The following NEK9 variants were observed in gnomAD, a reference collection of about 807,000 sequenced individuals.
NEK9 encodes the protein serine/threonine-protein kinase Nek9.
In NEK9, 75 loss-of-function variants were observed where a neutral mutation model predicts 123.4. The ratio of observed to expected loss-of-function variants is 0.61; its 90% CI spans 0.50 to 0.74. The LOEUF is 0.74. Ranked by LOEUF, NEK9 falls within the 30% of genes least tolerant of loss-of-function variation. The pLI is 0.00. For missense variants in NEK9, 952 were observed against 1,214.4 expected, an observed-to-expected ratio of 0.78 and a Z score of 3.21; for synonymous variants, 438 against 458.7, an observed-to-expected ratio of 0.95 and a Z score of 0.58.
chr14:75,113,789 T>A (rs570006444), intron 7 of NEK9, among the ~76,000 whole-genome samples: 1 of 152,326 alleles, frequency 6.6e-6, no homozygotes, highest in South Asian at 2.1e-4. Context: ...CTGGTGATTC[T>A]GACTCCAGTG....
rs985842916 is a variant in NEK9 at position 75,127,024 on chromosome 14, C to T, written c.-103G>A. 7.3e-5 allele frequency: 71 copies of T among 966,628 alleles called. No individual in the cohort carries two copies. The highest frequency in any genetic ancestry group is 9.9e-5 in the Non-Finnish European group (68 of 686,480). The allele number at this position is 966,628 out of a possible 1,614,324, so 59.9% of individuals were successfully genotyped here. On this transcript the variant is annotated 5_prime_UTR_variant, in exon 1 of 22. Coordinates refer to ENST00000238616, the MANE Select transcript of NEK9 (RefSeq NM_033116.6). The stretch of plus-strand genomic sequence containing the variant: ...ATGCCGGCCCGCGGATCCGTCAGCC[C>T]AGCAACCCCGCGAAGCTCGATGGTG...
At chr14:75,091,186 A>C in intron 19 of NEK9, 84 bp downstream of exon 19, 2 of 1,200,932 alleles carry the variant, frequency 1.7e-6, no homozygotes, top group Non-Finnish European at 2.3e-6. Flanking sequence ...AGGTACTTGG[A>C]AAACTGAGAG....
chr14:75,090,517 T>C (rs1383361542), intron 19 of NEK9, among the ~76,000 whole-genome samples: 1 of 152,128 alleles, frequency 6.6e-6, no homozygotes, highest in Non-Finnish European at 1.5e-5. Context: ...TGCATAGCCA[T>C]ATGTTGTGAG....
intron 16 of NEK9, among the ~76,000 whole-genome samples, chr14:75,099,828 C>T (rs567221569): frequency 5.7e-4 from 85 of 148,092 alleles, no homozygotes; most frequent in Non-Finnish European, 1.1e-3. Flanking sequence ...GACAATACTG[C>T]GGAAAGAAAT....
In NEK9 at chr14:75,106,604, A is replaced by T. The variant is rs1283171412; in HGVS notation, c.1426T>A (p.Phe476Ile). The T allele has an allele frequency of 1.2e-6, 2 of 1,614,116 alleles. No homozygotes were observed. The highest frequency in any genetic ancestry group is 4.5e-5 in the East Asian group (2 of 44,866). Residue 476 changes from phenylalanine (F) to isoleucine (I), a missense_variant, in exon 12 of 22, where the codon TTC (phenylalanine) becomes ATC (isoleucine). By Grantham distance (21) the Phe-to-Ile change is conservative. Coordinates refer to ENST00000238616, the MANE Select transcript of NEK9 (RefSeq NM_033116.6). The stretch of plus-strand genomic sequence containing the variant: ...TGCTCCACTGGATTGCTGAGGAAGA[A>T]GTTCAGCTGCATGGGTTCTAGCACT... ...PEVLEPMQLN[F>I]FLSNPVEQVS...
At position 75,081,172 on chromosome 14, in the gene NEK9, C is replaced by A. The variant is rs913526993; in HGVS notation, c.*3392G>T. 1 of 149,218 alleles carries A rather than the reference C, an allele frequency of 6.7e-6. No homozygotes were observed. The highest frequency in any genetic ancestry group is 2.5e-5 in the African/African-American group (1 of 40,344). The allele number at this position is 149,218 out of a possible 1,614,324, so 9.2% of individuals were successfully genotyped here. A position where few individuals can be genotyped will look rare whatever the true frequency, so the allele number is the denominator to read the frequency against. On this transcript the variant is annotated 3_prime_UTR_variant, in exon 22 of 22. Transcript: ENST00000238616. The surrounding 1 kb of genome is among the most constrained non-coding windows in gnomAD (Gnocchi z 4.2). ...TGTTAGCCAGGATGGTCTCGATCTCCTGACCTCGTGATCCGCCCGCCTCGG... is the reference window on the plus strand; with the variant it reads ...TGTTAGCCAGGATGGTCTCGATCTCATGACCTCGTGATCCGCCCGCCTCGG...
chr14:75,083,262 G>A lies in NEK9; in HGVS notation c.*1302C>T, dbSNP rs1179283454. The A allele has an allele frequency of 1.3e-5, 5 of 396,686 alleles. No individual in the cohort carries two copies. The highest frequency in any genetic ancestry group is 2.1e-5 in the African/African-American group (1 of 48,620). The allele number at this position is 396,686 out of a possible 1,614,324, so 24.6% of individuals were successfully genotyped here. A position where few individuals can be genotyped will look rare whatever the true frequency, so the allele number is the denominator to read the frequency against. The stretch of plus-strand genomic sequence containing the variant: ...TTACAAGGCTAGGTGGAAATACAAA[G>A]CTCACATCCTTAAGGAAACCATCAA... On this transcript the variant is annotated 3_prime_UTR_variant, in exon 22 of 22. Transcript: ENST00000238616.
chr14:75,123,428 A>T (rs72736245), intron 2 of NEK9, among the ~76,000 whole-genome samples: 13,903 of 151,932 alleles, frequency 0.092, 815 homozygotes, highest in Non-Finnish European at 0.13. Context: ...ATAATAATAA[A>T]AATAAAATGA....
At position 75,101,142 on chromosome 14, in the gene NEK9, G is replaced by A. The variant is rs1894565227; in HGVS notation, c.1852C>T (p.Leu618=). 1 of 1,614,090 alleles carries A rather than the reference G, an allele frequency of 6.2e-7. No homozygotes were observed. Among genetic ancestry groups the A allele is most frequent in the African/African-American group, 1.3e-5 (1 of 75,072 alleles). ...HTAAIDERGR[L]LTFGCNKCGQ... ...CACTTGTTGCAGCCAAAGGTCAGCA[G>A]CCGGCCTCGCTCTGAGAGAGAAGCA... Residue 618 remains leucine (L), a synonymous_variant, in exon 16 of 22, where the codon CTG becomes TTG. Transcript: ENST00000238616.
At chr14:75,104,223 C>A (rs1276680559) in intron 13 of NEK9, among the ~76,000 whole-genome samples, 3 of 149,132 alleles carry the variant, frequency 2.0e-5, no homozygotes, top group Non-Finnish European at 3.0e-5. Context: ...GGAGTGAAGT[C>A]GTGCGATCTT....
chr14:75,102,587 C>T (rs1329406702), intron 14 of NEK9, among the ~76,000 whole-genome samples: 1 of 151,776 alleles, frequency 6.6e-6, no homozygotes, highest in African/African-American at 2.4e-5. Flanking sequence ...CTCATGACCT[C>T]GTGATCCGCC....
Position 75,101,001 on chromosome 14 carries a change from C to T in NEK9, c.1993G>A (p.Ala665Thr). 6.2e-7 allele frequency: 1 copy of T among 1,614,084 alleles called. No homozygotes were observed. The highest frequency in any genetic ancestry group is 8.5e-7 in the Non-Finnish European group (1 of 1,179,934). The change falls in exon 16 of 22, where the codon GCC (alanine) becomes ACC (threonine). Residue 665 changes from alanine (A) to threonine (T), a missense_variant. Coordinates refer to ENST00000238616, the MANE Select transcript of NEK9 (RefSeq NM_033116.6). Reference sequence around the variant, plus strand: ...ATATGTACAGACTCACCATCAGTGGCAGCAATGGTAAACTCATCACCGCAG... The same window carrying T: ...ATATGTACAGACTCACCATCAGTGGTAGCAATGGTAAACTCATCACCGCAG... ...VSCGDEFTIA[A>T]TDDNHIFAWG...
At chr14:75,101,228 T>G in intron 15 of NEK9, 75 bp from the exon 16 acceptor site, 1 of 1,448,644 alleles carries the variant, frequency 6.9e-7, no homozygotes, top group Admixed American at 2.3e-5. Flanking sequence ...CCAAGCAGAC[T>G]TCATGGATTA....
chr14:75,115,996 G>T (rs1895130346), intron 6 of NEK9, among the ~76,000 whole-genome samples: 1 of 152,096 alleles, frequency 6.6e-6, no homozygotes, highest in Admixed American at 6.6e-5. Flanking sequence ...CCCACGATGT[G>T]TTAGGTATTG....
At chr14:75,126,609 T>G in intron 1 of NEK9, 94 bp downstream of exon 1, 1 of 1,027,806 alleles carries the variant, frequency 9.7e-7, no homozygotes, top group Non-Finnish European at 1.3e-6. Flanking sequence ...CCTAAAGCAC[T>G]AAGCTCACGA....
intron 13 of NEK9, among the ~76,000 whole-genome samples, chr14:75,104,507 A>C (rs1197992575): frequency 7.0e-6 from 1 of 142,340 alleles, no homozygotes; most frequent in African/African-American, 2.6e-5. Context: ...TTTGAGGTGG[A>C]GTCTTGCTCT....
intron 10 of NEK9, 49 bp downstream of exon 10, chr14:75,109,636 A>C: frequency 1.9e-6 from 3 of 1,545,248 alleles, no homozygotes; most frequent in South Asian, 1.2e-5. Flanking sequence ...TGGGCCCAGT[A>C]AACAATTAGG....
At position 75,101,725 on chromosome 14, in the gene NEK9, G is replaced by T. The variant is rs756943209; in HGVS notation, c.1772C>A (p.Ala591Asp). The T allele has an allele frequency of 6.2e-7, 1 of 1,614,078 alleles. No homozygotes were observed. Among genetic ancestry groups the T allele is most frequent in the South Asian group, 1.1e-5 (1 of 91,078 alleles). The change falls in exon 15 of 22, where the codon GCC becomes GAC. Residue 591 changes from alanine (A) to aspartate (D), a missense_variant. Ala to Asp is a moderately radical substitution (Grantham distance 126, BLOSUM62 -2). This residue lies in a region of NEK9 where 698 missense variants were observed against 875.6 expected (regional missense o/e 0.80). Transcript: ENST00000238616. ...EVPYTTSFTL[A>D]KQLSFYKIRT... is the part of the protein sequence containing the mutation. ...GATCTTATAAAAGGACAACTGTTTG[G>T]CCAAGGTAAAGGACGTTGTGTAGGG... is the stretch of plus-strand genomic sequence containing the variant.
At chr14:75,125,697 G>A (rs1250786969) in intron 1 of NEK9, among the ~76,000 whole-genome samples, 1 of 152,118 alleles carries the variant, frequency 6.6e-6, no homozygotes, top group Non-Finnish European at 1.5e-5. Context: ...GTGGCATCAG[G>A]ATAAAAAAGA....
Sources: allele counts gnomAD v4.1 joint callset (sites outside exome capture counted in the v4.1 genomes callset), GRCh38; gene constraint gnomAD v4.1.1; regional missense constraint gnomAD v4.1.1; non-coding constraint Gnocchi (gnomAD v3.1); transcripts MANE v1.5; gene names NCBI Gene and HGNC (gene_info 2026-07-23, HGNC 2026-07-21).